The following PPCS variants were observed in gnomAD, a reference collection of about 807,000 sequenced individuals.
The protein encoded by PPCS is phosphopantothenoylcysteine synthetase, also known as phosphopantothenate--cysteine ligase.
Under a neutral mutation model 24.6 loss-of-function variants are expected in PPCS, and 17 were observed. That is an observed-to-expected ratio of 0.69 (90% CI 0.47 to 1.04). PPCS has a LOEUF of 1.04. Ranked by LOEUF, PPCS falls within the 50% of genes least tolerant of loss-of-function variation. The probability of loss-of-function intolerance (pLI) is 0.00; values close to 1 mark genes in which losing one functional copy is unlikely to be tolerated. For missense variants in PPCS, 360 were observed against 402.8 expected (o/e 0.89, Z 0.91); for synonymous variants, 190 against 168.3 (o/e 1.13, Z -1.00).
downstream of PPCS, among the ~76,000 whole-genome samples, chr1:42,462,667 T>A (rs915919333): frequency 4.6e-5 from 7 of 152,350 alleles, no homozygotes; most frequent in East Asian, 1.2e-3. Flanking sequence ...AAAGATGATA[T>A]AAATTGAGTA....
At chr1:42,461,334 T>G (rs948505453), downstream of PPCS, among the ~76,000 whole-genome samples, 2 of 152,128 alleles carry the variant, frequency 1.3e-5, no homozygotes, top group African/African-American at 2.4e-5. Flanking sequence ...GCAGTCCCTT[T>G]GAACAAAAAA....
exon 3 of PPCS, chr1:42,473,123 G>T: frequency 3.3e-6 from 4 of 1,228,030 alleles, no homozygotes; most frequent in South Asian, 4.2e-5. Flanking sequence ...TCTATCAAGG[G>T]AAAAGTTCAG....
rs1481492163 is a variant in PPCS at position 42,456,552 on chromosome 1, C to T, written c.-14C>T. The T allele has an allele frequency of 5.7e-5, 83 of 1,456,086 alleles. No individual in the cohort carries two copies. The highest frequency in any genetic ancestry group is 7.3e-5 in the Non-Finnish European group (81 of 1,106,734). The allele number at this position is 1,456,086 out of a possible 1,614,324, so 90.2% of individuals were successfully genotyped here. A position where few individuals can be genotyped will look rare whatever the true frequency, so the allele number is the denominator to read the frequency against. On this transcript the variant is annotated 5_prime_UTR_variant, in exon 1 of 3. Transcript: ENST00000372561. Reference sequence around the variant, plus strand: ...GCCGCGAAACGTGCGCAGGCGCCGGCCGCTGCGCTGCAGATGGCGGAAATG... The same window carrying T: ...GCCGCGAAACGTGCGCAGGCGCCGGTCGCTGCGCTGCAGATGGCGGAAATG...
chr1:42,456,473 C>G, upstream of PPCS: 6 of 1,337,052 alleles, frequency 4.5e-6, no homozygotes, highest in South Asian at 1.5e-5. Context: ...GAACCGCCCA[C>G]TCAGTACGGC....
intron 2 of PPCS, chr1:42,473,027 A>T: frequency 1.8e-6 from 2 of 1,138,520 alleles, no homozygotes; most frequent in Non-Finnish European, 2.2e-6. Context: ...TAGTACTCTA[A>T]TAAGGAGACT....
chr1:42,467,983 C>T (rs1359141577), intron 2 of PPCS, among the ~76,000 whole-genome samples: 1 of 152,244 alleles, frequency 6.6e-6, no homozygotes, highest in African/African-American at 2.4e-5. Context: ...GAGGAGCAAA[C>T]TCGCAGGGAA....
chr1:42,461,797 G>A (rs1467653240), downstream of PPCS, among the ~76,000 whole-genome samples: 1 of 151,956 alleles, frequency 6.6e-6, no homozygotes, highest in Non-Finnish European at 1.5e-5. Context: ...TGCCCGCCCC[G>A]GCCTTCCAAA....
chr1:42,465,980 A>G (rs576629192), downstream of PPCS, among the ~76,000 whole-genome samples: 2 of 152,254 alleles, frequency 1.3e-5, no homozygotes, highest in East Asian at 3.9e-4. Flanking sequence ...TTCACTTTAT[A>G]TTTTAAACAT....
In PPCS at chr1:42,460,994, G is replaced by A. The variant is rs1000014577; in HGVS notation, c.*1068G>A. ...TTCAATACTTCTCTTGCTGTCCTAC[G>A]TTTTGGGTTTGGAGTGCACAAGTAG... is the stretch of plus-strand genomic sequence containing the variant. On this transcript the variant is annotated 3_prime_UTR_variant, in exon 3 of 3. Transcript: ENST00000372561. 1.1e-4 allele frequency among the ~76,000 whole-genome samples: 16 copies of A among 152,154 alleles called. No homozygotes were observed. The highest frequency in any genetic ancestry group is 1.6e-4 in the Non-Finnish European group (11 of 68,034).
intron 2 of PPCS, among the ~76,000 whole-genome samples, chr1:42,472,586 CAA>C (rs1047380750): frequency 6.6e-6 from 1 of 151,766 alleles, no homozygotes; most frequent in African/African-American, 2.4e-5. Flanking sequence ...AAAAAAGAAA[CAA>C]GAGCCCTTTG....
upstream of PPCS, chr1:42,456,450 AAAG>A: frequency 8.0e-6 from 9 of 1,129,244 alleles, no homozygotes; most frequent in South Asian, 1.0e-4. Context: ...CCTAGTGTCA[AAAG>A]AAGGGTAGTG....
At chr1:42,465,450 C>T (rs144285309), downstream of PPCS, among the ~76,000 whole-genome samples, 294 of 152,248 alleles carry the variant, frequency 1.9e-3, no homozygotes, top group African/African-American at 6.7e-3. Context: ...CTGCAACCTC[C>T]GCCTCCCGGG....
Position 42,459,988 on chromosome 1 carries a change from A to C in PPCS, c.*62A>C. ...GCTCTTAGAGATGGTGAAAACTACA[A>C]AAAAAACCATGGCTTTCATATGGAC... On this transcript the variant is annotated 3_prime_UTR_variant, in exon 3 of 3. Transcript: ENST00000372561. 1.3e-6 allele frequency: 2 copies of C among 1,512,528 alleles called. No individual in the cohort carries two copies. The highest frequency in any genetic ancestry group is 2.4e-4 in the Middle Eastern group (1 of 4,086). The allele number at this position is 1,512,528 out of a possible 1,614,324, so 93.7% of individuals were successfully genotyped here. A position where few individuals can be genotyped will look rare whatever the true frequency, so the allele number is the denominator to read the frequency against.
chr1:42,471,549 C>A (rs574224566), intron 2 of PPCS, among the ~76,000 whole-genome samples: 1 of 152,228 alleles, frequency 6.6e-6, no homozygotes, highest in Admixed American at 6.5e-5. Context: ...GCCAAATAGT[C>A]CTCATAGGAT....
chr1:42,470,620 A>T (rs1643739106), intron 2 of PPCS, among the ~76,000 whole-genome samples: 1 of 152,244 alleles, frequency 6.6e-6, no homozygotes, highest in Non-Finnish European at 1.5e-5. Context: ...ATGGAATATT[A>T]TTCAATCTTA....
At chr1:42,465,654 G>T (rs113903223), downstream of PPCS, among the ~76,000 whole-genome samples, 36,539 of 151,870 alleles carry the variant, frequency 0.24, 4,727 homozygotes, top group South Asian at 0.42. Flanking sequence ...TGTGAGCCAC[G>T]GTACCCGACC....
downstream of PPCS, among the ~76,000 whole-genome samples, chr1:42,462,080 C>T (rs1438813238): frequency 6.6e-6 from 1 of 152,176 alleles, no homozygotes; most frequent in Non-Finnish European, 1.5e-5. Flanking sequence ...ATTATTACCT[C>T]CCTTGGGAAT....
intron 2 of PPCS, among the ~76,000 whole-genome samples, chr1:42,471,355 A>T (rs1643764980): frequency 6.6e-6 from 1 of 152,212 alleles, no homozygotes; most frequent in Non-Finnish European, 1.5e-5. Context: ...TACAGGACTT[A>T]TAATAATTTA....
Position 42,457,252 on chromosome 1 carries a change from T to A in PPCS, c.514T>A (p.Ser172Thr). The A allele has an allele frequency of 6.2e-7, 1 of 1,614,138 alleles. No individual in the cohort carries two copies. The highest frequency in any genetic ancestry group is 8.5e-7 in the Non-Finnish European group (1 of 1,180,012). ...AAQALNPLGP[S>T]AMFYLAAAVS... Reference sequence around the variant, plus strand: ...CCTTGTGTTTCTCTTTGCAGGCCCTTCTGCGATGTTTTACCTGGCTGCGGC... The same window carrying A: ...CCTTGTGTTTCTCTTTGCAGGCCCTACTGCGATGTTTTACCTGGCTGCGGC... The change falls in exon 2 of 3, where the codon TCT (serine) becomes ACT (threonine). Residue 172 changes from serine (S) to threonine (T), a missense_variant. Physicochemically the swap from Ser to Thr is moderately conservative, Grantham distance 58. Coordinates refer to ENST00000372561, the MANE Select transcript of PPCS (RefSeq NM_024664.4).
Sources: allele counts gnomAD v4.1 joint callset (sites outside exome capture counted in the v4.1 genomes callset), GRCh38; gene constraint gnomAD v4.1.1; transcripts MANE v1.5; gene names NCBI Gene and HGNC (gene_info 2026-07-23, HGNC 2026-07-21).